CEP76: variants seen among roughly 807,000 people sequenced by gnomAD.
The protein encoded by CEP76 is centrosomal protein of 76 kDa.
CEP76 carries 55 observed loss-of-function variants against 83.3 expected under a neutral mutation model. The observed-to-expected ratio is 0.66, with a 90% CI of 0.53 to 0.83. The LOEUF is 0.83. Among genes scored for constraint, CEP76 ranks in the 40% least tolerant of loss-of-function variants. The pLI, the probability that CEP76 is intolerant of heterozygous loss-of-function variation, is 0.00. For missense variants in CEP76, 694 were observed against 799.5 expected (o/e 0.87, Z 1.59); for synonymous variants, 270 against 274.5 (o/e 0.98, Z 0.16).
downstream of CEP76, among the ~76,000 whole-genome samples, chr18:12,670,002 A>AAAAAAG (rs1205964501): frequency 9.2e-5 from 14 of 151,402 alleles, no homozygotes; most frequent in Non-Finnish European, 2.9e-5. Context: ...TCTCAAAAAA[A>AAAAAAG]AAAAGAAAAG....
intron 5 of CEP76, 33 bp from the exon 6 acceptor site, chr18:12,695,384 T>C: frequency 9.6e-7 from 1 of 1,044,172 alleles, no homozygotes; most frequent in Non-Finnish European, 1.4e-6. Context: ...CTTCAGAGAT[T>C]TCAATACTAT....
chr18:12,676,942 G>T (rs1914108406), intron 10 of CEP76, among the ~76,000 whole-genome samples: 1 of 152,092 alleles, frequency 6.6e-6, no homozygotes, highest in Non-Finnish European at 1.5e-5. Flanking sequence ...AACCCTAAAA[G>T]GTGAATCAGA....
chr18:12,696,001 G>C (rs181485577), intron 5 of CEP76, among the ~76,000 whole-genome samples: 36 of 152,148 alleles, frequency 2.4e-4, no homozygotes, highest in Admixed American at 2.0e-4. Context: ...TAAAGAACTA[G>C]AAAACAAATA....
rs762889371 is a variant in CEP76 at position 12,678,288 on chromosome 18, A to G, written c.1444T>C (p.Leu482=). Residue 482 remains leucine, a synonymous_variant, in exon 10 of 12, where the codon TTG becomes CTG. Transcript: ENST00000262127. ...SDAVETCVFD[L]NDESKWKPMS... ...GGTTTCCATTTGGATTCATCGTTCA[A>G]ATCAAATACACAGGTTTCTACTGCA... is the stretch of plus-strand genomic sequence containing the variant. 1 of 1,614,158 alleles carries G rather than the reference A, an allele frequency of 6.2e-7. No homozygotes were observed. Among genetic ancestry groups the G allele is most frequent in the Admixed American group, 1.7e-5 (1 of 60,008 alleles).
At chr18:12,699,806 A>G in intron 3 of CEP76, 24 bp downstream of exon 3, 1 of 1,323,220 alleles carries the variant, frequency 7.6e-7, no homozygotes, top group Non-Finnish European at 1.0e-6. Flanking sequence ...AACCACAACT[A>G]AATTAATGTT....
intron 7 of CEP76, among the ~76,000 whole-genome samples, chr18:12,690,612 C>T (rs989707023): frequency 2.0e-5 from 3 of 152,056 alleles, no homozygotes; most frequent in South Asian, 2.1e-4. Flanking sequence ...CCCGCCATCA[C>T]GCCCGGCTAA....
chr18:12,662,122 G>T, exon 13 of CEP76: 3 of 447,266 alleles, frequency 6.7e-6, no homozygotes, highest in African/African-American at 2.0e-5. Context: ...TGCAGCCCAA[G>T]CTTTTCCCAG....
chr18:12,694,281 C>T (rs571439792), intron 6 of CEP76, among the ~76,000 whole-genome samples: 2 of 152,224 alleles, frequency 1.3e-5, no homozygotes, highest in Admixed American at 6.5e-5. Flanking sequence ...GAAGCACTAG[C>T]GTCTAACCAC....
At chr18:12,689,819 TCA>T (rs2039683575) in intron 7 of CEP76, among the ~76,000 whole-genome samples, 2 of 152,188 alleles carry the variant, frequency 1.3e-5, no homozygotes, top group African/African-American at 4.8e-5. Context: ...AGACAGAGTC[TCA>T]CTCTGTTGCC....
At chr18:12,671,647 T>C (rs969652734), downstream of CEP76, among the ~76,000 whole-genome samples, 397 of 134,558 alleles carry the variant, frequency 3.0e-3, no homozygotes, top group African/African-American at 0.011. Flanking sequence ...ACTTTCTTTT[T>C]TTTTTTTTTT....
intron 8 of CEP76, among the ~76,000 whole-genome samples, chr18:12,682,781 C>G (rs933306296): frequency 1.3e-5 from 2 of 151,860 alleles, no homozygotes; most frequent in Non-Finnish European, 2.9e-5. Context: ...ACCACCACAC[C>G]CAGCTAATTT....
intron 5 of CEP76, among the ~76,000 whole-genome samples, chr18:12,696,173 T>C (rs569667948): frequency 1.3e-5 from 2 of 152,348 alleles, no homozygotes; most frequent in South Asian, 4.1e-4. Flanking sequence ...CTATAATTTT[T>C]ATTTAAAGAA....
downstream of CEP76, among the ~76,000 whole-genome samples, chr18:12,669,866 G>A (rs972819408): frequency 3.3e-5 from 5 of 151,792 alleles, no homozygotes; most frequent in East Asian, 3.9e-4. Context: ...GTGTGGTGGC[G>A]CATGCCTGTA....
downstream of CEP76, among the ~76,000 whole-genome samples, chr18:12,669,032 C>CTTTTTTTTTTTTTTTTTTT (rs71174122): frequency 2.4e-5 from 1 of 41,960 alleles, no homozygotes; most frequent in Non-Finnish European, 5.3e-5. Context: ...ACCCCCCGCA[C>CTTTTTTTTTTTTTTTTTTT]TTTTTTTTTT....
chr18:12,670,020 A>G (rs778903226), downstream of CEP76, among the ~76,000 whole-genome samples: 5 of 150,996 alleles, frequency 3.3e-5, no homozygotes, highest in Non-Finnish European at 7.4e-5. Context: ...AAGAAAAAGA[A>G]AAAGAAAAAT....
intron 11 of CEP76, 26 bp from the exon 12 acceptor site, chr18:12,673,529 A>C (rs2039005476): frequency 6.6e-7 from 1 of 1,521,196 alleles, no homozygotes; most frequent in African/African-American, 1.4e-5. Flanking sequence ...AAAATTATTC[A>C]ATTAAGAAGT....
Position 12,673,445 on chromosome 18 carries a change from G to A in CEP76, c.1900C>T (p.Arg634Cys), listed in dbSNP as rs1018596817. The part of the protein sequence containing the change: ...CRGDQVRLAV[R>C]VRVFTYPESA... Reference sequence around the variant, plus strand: ...TCAGGGTAAGTAAATACTCGGACACGAACTGCCAGTCGCACTTGGTCTCCA... The same window carrying A: ...TCAGGGTAAGTAAATACTCGGACACAAACTGCCAGTCGCACTTGGTCTCCA... Residue 634 changes from arginine to cysteine, a missense_variant, in exon 12 of 12, where the codon CGT becomes TGT. Transcript: ENST00000262127. The A allele has an allele frequency of 1.1e-5, 18 of 1,594,178 alleles. No individual in the cohort carries two copies. Among genetic ancestry groups the A allele is most frequent in the Admixed American group, 3.7e-5 (2 of 54,226 alleles).
In CEP76 at chr18:12,673,311, C is replaced by T. The variant is rs2038995747; in HGVS notation, c.*54G>A. 36 of 1,557,826 alleles carry T rather than the reference C, an allele frequency of 2.3e-5. No homozygotes were observed. The highest frequency in any genetic ancestry group is 3.1e-5 in the Non-Finnish European group (36 of 1,160,148). ...AACCTCTAAATAGCTAAGTAATGTACAATGTGTAAAATTCCAATTAAACAC... is the reference window on the plus strand; with the variant it reads ...AACCTCTAAATAGCTAAGTAATGTATAATGTGTAAAATTCCAATTAAACAC... On this transcript the variant is annotated 3_prime_UTR_variant, in exon 12 of 12. Coordinates refer to ENST00000262127, the MANE Select transcript of CEP76 (RefSeq NM_024899.4).
chr18:12,697,055 T>C (rs1022197583), intron 5 of CEP76, among the ~76,000 whole-genome samples, 168 bp downstream of exon 5: 1 of 152,216 alleles, frequency 6.6e-6, no homozygotes, highest in Non-Finnish European at 1.5e-5. Flanking sequence ...ATATTATTCT[T>C]CAAGACATTT....
Sources: allele counts gnomAD v4.1 joint callset (sites outside exome capture counted in the v4.1 genomes callset), GRCh38; gene constraint gnomAD v4.1.1; transcripts MANE v1.5; gene names NCBI Gene and HGNC (gene_info 2026-07-23, HGNC 2026-07-21).